The following DMBT1 variants were observed in gnomAD, a reference collection of about 807,000 sequenced individuals.
DMBT1 encodes the protein deleted in malignant brain tumors 1.
DMBT1 carries 198 observed loss-of-function variants against 252.9 expected under a neutral mutation model. That is an observed-to-expected ratio of 0.78 (90% CI 0.70 to 0.88). The LOEUF (loss-of-function observed/expected upper bound fraction) is 0.88. DMBT1 is among the 40% of genes least tolerant of loss of function. DMBT1 has a pLI of 0.00. For synonymous variants in DMBT1, 990 were observed against 942.7 expected (o/e 1.05, Z -0.92); for missense variants, 2,432 against 2,404.7 (o/e 1.01, Z -0.24).
intron 2 of DMBT1, among the ~76,000 whole-genome samples, chr10:122,569,540 C>T (rs2097641470): frequency 6.6e-6 from 1 of 152,118 alleles, no homozygotes; most frequent in Admixed American, 6.5e-5. Flanking sequence ...TGGCGTGTTC[C>T]CCAAAGAGGA....
intron 2 of DMBT1, among the ~76,000 whole-genome samples, chr10:122,568,172 G>A (rs1346771163): frequency 2.6e-5 from 4 of 152,022 alleles, no homozygotes; most frequent in Admixed American, 6.6e-5. Context: ...AGGAGGAGTC[G>A]AATATGATGC....
At chr10:122,577,767 T>A in intron 7 of DMBT1, 44 bp from the exon 8 acceptor site, 1 of 1,611,770 alleles carries the variant, frequency 6.2e-7, no homozygotes, top group Non-Finnish European at 8.5e-7. Flanking sequence ...CTACTTGGAG[T>A]CACTGAGTGT....
intron 20 of DMBT1, among the ~76,000 whole-genome samples, chr10:122,593,045 G>A (rs1004918012): frequency 1.3e-5 from 2 of 148,786 alleles, no homozygotes; most frequent in Middle Eastern, 3.4e-3. Flanking sequence ...GGAAATAGAG[G>A]CTCAAGGGTT....
chr10:122,627,707 C>A lies in DMBT1; in HGVS notation c.5668+1742C>A, dbSNP rs190366198. Among the ~76,000 whole-genome samples the A allele has an allele frequency of 6.6e-5, 10 of 152,234 alleles. No individual in the cohort carries two copies. In the East Asian group the frequency reaches 1.9e-3, roughly 29 times the overall value. ...AGTTTGACTTTATCCTTAATTATTT[C>A]CCAGTGTAGAAATAGAAAGGGAGGG... On this transcript the variant is annotated intron_variant, in intron 46 of 55. Coordinates refer to ENST00000338354, the MANE Select transcript of DMBT1 (RefSeq NM_001377530.1).
chr10:122,620,421 G>A (rs1362641474), intron 43 of DMBT1, 130 bp downstream of exon 43: 22 of 1,102,342 alleles, frequency 2.0e-5, no homozygotes, highest in Non-Finnish European at 2.8e-5. Flanking sequence ...GCCTGGGGAG[G>A]TAGACTCCCT....
chr10:122,641,762 G>C (rs1466001786), intron 55 of DMBT1, among the ~76,000 whole-genome samples: 1 of 152,102 alleles, frequency 6.6e-6, no homozygotes, highest in Non-Finnish European at 1.5e-5. Flanking sequence ...CAATTTGCTG[G>C]GAAGACGGGG....
At chr10:122,586,493 C>A in intron 16 of DMBT1, 110 bp downstream of exon 16, 1 of 1,457,892 alleles carries the variant, frequency 6.9e-7, no homozygotes, top group Non-Finnish European at 9.2e-7. Flanking sequence ...TCCTATATTT[C>A]TGATACCTCC....
At position 122,640,306 on chromosome 10, in the gene DMBT1, C is replaced by T. The variant is rs1237218385; in HGVS notation, c.7209C>T (p.Tyr2403=). 1 of 1,614,070 alleles carries T rather than the reference C, an allele frequency of 6.2e-7. No individual in the cohort carries two copies. Among genetic ancestry groups the T allele is most frequent in the Non-Finnish European group, 8.5e-7 (1 of 1,179,900 alleles). Residue 2403 remains tyrosine (Y), a synonymous_variant, in exon 55 of 56, where the codon TAC becomes TAT. Transcript: ENST00000338354. ...SFLYPVTSRP[Y]YVDLNQDLYV... ...TGTATCCTGTGACCAGCCGCCCTTACTACGTGGACCTGAACCAGGACTTGT... is the reference window on the plus strand; with the variant it reads ...TGTATCCTGTGACCAGCCGCCCTTATTACGTGGACCTGAACCAGGACTTGT...
At position 122,630,379 on chromosome 10, in the gene DMBT1, G is replaced by A. The variant is rs778186760; in HGVS notation, c.5914G>A (p.Asp1972Asn). ...SSLLLGKICN[D>N]TRQIFTSSYN... is the part of the protein sequence containing the mutation. Reference sequence around the variant, plus strand: ...TCTCCTGCTGGGGAAAATCTGTAATGATACCAGGCAAATATTTACATCTTC... The same window carrying A: ...TCTCCTGCTGGGGAAAATCTGTAATAATACCAGGCAAATATTTACATCTTC... Residue 1972 changes from aspartate (D) to asparagine (N), a missense_variant, in exon 48 of 56, where the codon GAT becomes AAT. Physicochemically the swap from Asp to Asn is conservative, Grantham distance 23. Around this residue, in one of 3 missense-constraint regions of DMBT1, gnomAD observed 1,162 missense variants for 1,169.0 expected, o/e 0.99. Coordinates refer to ENST00000338354, the MANE Select transcript of DMBT1 (RefSeq NM_001377530.1). 9 of 1,614,006 alleles carry A rather than the reference G, an allele frequency of 5.6e-6. No homozygotes were observed. In the South Asian group the frequency reaches 9.9e-5, roughly 18 times the overall value.
intron 44 of DMBT1, among the ~76,000 whole-genome samples, chr10:122,624,169 T>A (rs1001590364): frequency 2.6e-5 from 4 of 152,090 alleles, no homozygotes; most frequent in African/African-American, 9.7e-5. Context: ...CTCGGTTGCA[T>A]CCTGCTGCAG....
rs2098153103 is a variant in DMBT1 at position 122,630,443 on chromosome 10, G to A, written c.5978G>A (p.Ser1993Asn). ...ACCATTCACTTTCGAAGTGACATCA[G>A]TTTCCAAAACACTGGCTTTTTGGCT... The part of the protein sequence containing the change: ...RMTIHFRSDI[S>N]FQNTGFLAWY... The change falls in exon 48 of 56, where the codon AGT becomes AAT. Residue 1993 changes from serine to asparagine, a missense_variant. Physicochemically the swap from Ser to Asn is conservative, Grantham distance 46. Coordinates refer to ENST00000338354, the MANE Select transcript of DMBT1 (RefSeq NM_001377530.1). 1 of 1,613,954 alleles carries A rather than the reference G, an allele frequency of 6.2e-7. No individual in the cohort carries two copies. The highest frequency in any genetic ancestry group is 1.1e-5 in the South Asian group (1 of 91,080).
Position 122,579,870 on chromosome 10 carries a change from C to G in DMBT1, c.972C>G (p.Gly324=). Residue 324 remains glycine (G), a synonymous_variant, in exon 10 of 56, where the codon GGC becomes GGG. Coordinates refer to ENST00000338354, the MANE Select transcript of DMBT1 (RefSeq NM_001377530.1). ...ATGGCTGGCTCACCCACAACTGTGGCCATAGTGAAGACGCTGGTGTCATCT... is the reference window on the plus strand; with the variant it reads ...ATGGCTGGCTCACCCACAACTGTGGGCATAGTGAAGACGCTGGTGTCATCT... ...PHNGWLTHNC[G]HSEDAGVICS... 6.2e-7 allele frequency: 1 copy of G among 1,613,814 alleles called. No homozygotes were observed. The highest frequency in any genetic ancestry group is 8.5e-7 in the Non-Finnish European group (1 of 1,179,770).
Position 122,634,358 on chromosome 10 carries a change from T to TTC in DMBT1, c.6548+1019_6548+1020dup, listed in dbSNP as rs539803888. The stretch of plus-strand genomic sequence containing the variant: ...AAAGCACTTTTCTTTCTTTCTTTCT[T>TTC]TCTTTCTTTCTTTCTTTCTTTCTTT... On this transcript the variant is annotated intron_variant, in intron 52 of 55. Transcript: ENST00000338354. Among the ~76,000 whole-genome samples, 720 of 101,610 alleles carry TTC rather than the reference T, an allele frequency of 7.1e-3. 3 individuals carry two copies. Among genetic ancestry groups the TTC allele is most frequent in the Middle Eastern group, 0.03 (6 of 202 alleles). 66.7% of individuals were successfully genotyped at this position (101,610 alleles called of 152,430 possible).
At chr10:122,599,388 T>G (rs761356777) in intron 26 of DMBT1, among the ~76,000 whole-genome samples, 1 of 152,188 alleles carries the variant, frequency 6.6e-6, no homozygotes, top group Non-Finnish European at 1.5e-5. Context: ...ATTTCTCCCC[T>G]GCTGAGTAGC....
intron 52 of DMBT1, among the ~76,000 whole-genome samples, chr10:122,635,448 G>A (rs149038700): frequency 2.5e-4 from 38 of 152,350 alleles, no homozygotes; most frequent in Non-Finnish European, 4.6e-4. Context: ...TTTCATATGT[G>A]TGATTGCAAA....
rs2133708123 is a variant in DMBT1 at position 122,643,122 on chromosome 10, A to C, written c.7353A>C (p.Gly2451=). The change falls in exon 56 of 56, where the codon GGA becomes GGC. Residue 2451 remains glycine, a splice_region_variant and synonymous_variant. Transcript: ENST00000338354. ...TSLTYDLIRS[G]CVRDDTYGPY... ...CTAAGGGGCTACTGTTCTCTTCCAG[A>C]TGCGTGAGGGATGACACCTACGGAC... 6.2e-7 allele frequency: 1 copy of C among 1,613,246 alleles called. No homozygotes were observed. The highest frequency in any genetic ancestry group is 2.2e-5 in the East Asian group (1 of 44,842).
chr10:122,597,697 A>C (rs1232426727), intron 24 of DMBT1, among the ~76,000 whole-genome samples: 1 of 152,196 alleles, frequency 6.6e-6, no homozygotes. Flanking sequence ...TGTACCCGTC[A>C]GTGCATGTGT....
chr10:122,618,437 C>A, intron 41 of DMBT1, 97 bp downstream of exon 41: 1 of 1,577,998 alleles, frequency 6.3e-7, no homozygotes, highest in Non-Finnish European at 8.6e-7. Flanking sequence ...AAAGCTTTTT[C>A]TATGTTTTCT....
chr10:122,592,478 A>G lies in DMBT1; in HGVS notation c.2383A>G (p.Ile795Val). The part of the protein sequence containing the change: ...NARFGQGSGP[I>V]VLDDVRCSGH... The stretch of plus-strand genomic sequence containing the variant: ...CCGGTTTGGCCAGGGCTCAGGACCC[A>G]TTGTTCTGGATGATGTGCGCTGCTC... The change falls in exon 20 of 56, where the codon ATT becomes GTT. Residue 795 changes from isoleucine (I) to valine (V), a missense_variant. Physicochemically the swap from Ile to Val is conservative, Grantham distance 29. Coordinates refer to ENST00000338354, the MANE Select transcript of DMBT1 (RefSeq NM_001377530.1). The G allele has an allele frequency of 6.3e-7, 1 of 1,587,962 alleles. No homozygotes were observed. Among genetic ancestry groups the G allele is most frequent in the African/African-American group, 1.3e-5 (1 of 74,580 alleles).
Sources: allele counts gnomAD v4.1 joint callset (sites outside exome capture counted in the v4.1 genomes callset), GRCh38; gene constraint gnomAD v4.1.1; regional missense constraint gnomAD v4.1.1; transcripts MANE v1.5; gene names NCBI Gene and HGNC (gene_info 2026-07-23, HGNC 2026-07-21).